Variants in POLR3GL observed in about 807,000 individuals in gnomAD.
POLR3GL encodes the protein DNA-directed RNA polymerase III subunit RPC7-like.
A neutral mutation model predicts 32.4 loss-of-function variants in POLR3GL; 26 were observed. The ratio of observed to expected loss-of-function variants is 0.80; its 90% confidence interval spans 0.59 to 1.11. The LOEUF is 1.11. POLR3GL is among the 50% of genes most tolerant of loss of function. The pLI, the probability that POLR3GL is intolerant of heterozygous loss-of-function variation, is 0.00. For synonymous variants in POLR3GL, 95 were observed against 98.7 expected (o/e 0.96, Z 0.22); for missense variants, 229 against 280.1 (o/e 0.82, Z 1.30).
At chr1:145,965,198 T>C (rs2101924597) in intron 1 of POLR3GL, among the ~76,000 whole-genome samples, 1 of 152,084 alleles carries the variant, frequency 6.6e-6, no homozygotes, top group East Asian at 1.9e-4. Flanking sequence ...CTGTCTCTCT[T>C]TAACGTTTCT....
intron 1 of POLR3GL, among the ~76,000 whole-genome samples, chr1:145,970,738 C>T (rs894469402): frequency 3.3e-5 from 5 of 151,246 alleles, no homozygotes; most frequent in East Asian, 3.9e-4. Flanking sequence ...TAGCCGGGCA[C>T]GGTGGCGGGC....
At chr1:145,965,477 G>A (rs1553761900) in intron 1 of POLR3GL, among the ~76,000 whole-genome samples, 1 of 152,202 alleles carries the variant, frequency 6.6e-6, no homozygotes, top group South Asian at 2.1e-4. Context: ...GGAATGGTGA[G>A]GGGAGGCTTT....
chr1:145,978,169 G>T, intron 7 of POLR3GL, 73 bp downstream of exon 7: 2 of 1,548,924 alleles, frequency 1.3e-6, no homozygotes, highest in South Asian at 1.2e-5. Context: ...TCCTCAGAGG[G>T]TTGGCATGCC....
At chr1:145,970,248 C>T (rs1650218089) in intron 1 of POLR3GL, among the ~76,000 whole-genome samples, 1 of 152,106 alleles carries the variant, frequency 6.6e-6, no homozygotes, top group Non-Finnish European at 1.5e-5. Flanking sequence ...CGGGCTGAAG[C>T]GATCCTTCCA....
At chr1:145,970,942 T>C (rs1292268637) in intron 1 of POLR3GL, among the ~76,000 whole-genome samples, 1 of 142,576 alleles carries the variant, frequency 7.0e-6, no homozygotes, top group African/African-American at 2.6e-5. Flanking sequence ...ATCTAGCACT[T>C]TGGGAGGCCG....
chr1:145,978,497 G>T lies in POLR3GL; in HGVS notation c.*50G>T. The T allele has an allele frequency of 8.7e-7, 1 of 1,150,410 alleles. No individual in the cohort carries two copies. 71.3% of individuals were successfully genotyped at this position (1,150,410 alleles called of 1,614,324 possible). A position where few individuals can be genotyped will look rare whatever the true frequency, so the allele number is the denominator to read the frequency against. On this transcript the variant is annotated 3_prime_UTR_variant, in exon 8 of 8. Coordinates refer to ENST00000369314, the MANE Select transcript of POLR3GL (RefSeq NM_032305.3). ...TTTCTTTAGGATACAGAGAGTAACTGTACCTATTATTTGTTTCTTCAGACA... is the reference window on the plus strand; with the variant it reads ...TTTCTTTAGGATACAGAGAGTAACTTTACCTATTATTTGTTTCTTCAGACA...
At position 145,966,244 on chromosome 1, in the gene POLR3GL, C is replaced by G. The variant is rs782296901; in HGVS notation, c.-42+1476C>G. ...CCTGTAATTCCAGCACTTTGGGAGG[C>G]TGAGGTAGGCAGATCACTTTAGCCC... On this transcript the variant is annotated intron_variant, in intron 1 of 7. Coordinates refer to ENST00000369314, the MANE Select transcript of POLR3GL (RefSeq NM_032305.3). Among the ~76,000 whole-genome samples the G allele has an allele frequency of 5.3e-5, 8 of 151,088 alleles. No individual in the cohort carries two copies. The South Asian group carries it at 1.7e-3, about 32-fold the overall frequency.
intron 1 of POLR3GL, among the ~76,000 whole-genome samples, chr1:145,969,735 A>G (rs1650193625): frequency 6.6e-6 from 1 of 150,954 alleles, no homozygotes; most frequent in African/African-American, 2.4e-5. Context: ...CCTGGCCAAC[A>G]TGGGAAAACC....
chr1:145,974,734 C>A, intron 1 of POLR3GL, 91 bp from the exon 2 acceptor site: 1 of 878,370 alleles, frequency 1.1e-6, no homozygotes, highest in Non-Finnish European at 1.6e-6. Context: ...CTTTTCATGT[C>A]CCAGAGATAA....
At chr1:145,977,273 T>A (rs1271661392) in intron 4 of POLR3GL, 121 bp downstream of exon 4, 5 of 952,834 alleles carry the variant, frequency 5.2e-6, no homozygotes, top group Non-Finnish European at 8.5e-6. Flanking sequence ...AGCTAGAGCC[T>A]TAGTTATGGT....
At chr1:145,977,359 A>G (rs1156805035) in intron 4 of POLR3GL, 124 bp from the exon 5 acceptor site, 21 of 985,934 alleles carry the variant, frequency 2.1e-5, no homozygotes, top group Non-Finnish European at 3.2e-5. Flanking sequence ...AAGCCACTGA[A>G]CAACTTTGGC....
chr1:145,967,236 G>A (rs1434346164), intron 1 of POLR3GL, among the ~76,000 whole-genome samples: 4 of 150,890 alleles, frequency 2.7e-5, no homozygotes, highest in African/African-American at 9.8e-5. Flanking sequence ...GTGCAGTGGT[G>A]AGATCTCAGC....
chr1:145,977,943 A>G, intron 6 of POLR3GL, 40 bp from the exon 7 acceptor site: 1 of 1,613,968 alleles, frequency 6.2e-7, no homozygotes, highest in Non-Finnish European at 8.5e-7. Flanking sequence ...CCTTCTGTGA[A>G]CTGAACCTGA....
At chr1:145,972,856 C>T (rs1199319845) in intron 1 of POLR3GL, among the ~76,000 whole-genome samples, 1 of 151,944 alleles carries the variant, frequency 6.6e-6, no homozygotes, top group East Asian at 1.9e-4. Context: ...TGCCACCATG[C>T]CTGGCTAATT....
chr1:145,969,077 T>A (rs1215288666), intron 1 of POLR3GL, among the ~76,000 whole-genome samples: 1 of 152,104 alleles, frequency 6.6e-6, no homozygotes, highest in Non-Finnish European at 1.5e-5. Flanking sequence ...TCTCATTTAG[T>A]ATTCTGTTAC....
At chr1:145,966,718 G>A (rs1039979481) in intron 1 of POLR3GL, among the ~76,000 whole-genome samples, 4 of 152,044 alleles carry the variant, frequency 2.6e-5, no homozygotes, top group Admixed American at 6.5e-5. Flanking sequence ...GAACCCAGGA[G>A]GTGGAGGTTG....
intron 1 of POLR3GL, among the ~76,000 whole-genome samples, chr1:145,966,046 G>A (rs1174677596): frequency 1.3e-5 from 2 of 150,190 alleles, no homozygotes; most frequent in African/African-American, 4.9e-5. Context: ...AACCCAGGAG[G>A]CGGAGGTTGC....
rs587754040 is a variant in POLR3GL, at chr1:145,972,985, C to T, written c.-41-1840C>T. On this transcript the variant is annotated intron_variant, in intron 1 of 7. Coordinates refer to ENST00000369314, the MANE Select transcript of POLR3GL (RefSeq NM_032305.3). ...AAGTGCTGGGATTATAGCAATGAGCCGCTGCACCCAGCTAACCCATCAATA... is the reference window on the plus strand; with the variant it reads ...AAGTGCTGGGATTATAGCAATGAGCTGCTGCACCCAGCTAACCCATCAATA... Among the ~76,000 whole-genome samples the T allele has an allele frequency of 2.0e-5, 3 of 152,248 alleles. No individual in the cohort carries two copies. The East Asian group carries it at 5.8e-4, about 29-fold the overall frequency.
chr1:145,966,986 G>A (rs942398708), intron 1 of POLR3GL, among the ~76,000 whole-genome samples: 1 of 152,030 alleles, frequency 6.6e-6, no homozygotes, highest in Non-Finnish European at 1.5e-5. Context: ...TGGGATTGCT[G>A]GATTAGGGAT....
Sources: gnomAD v4.1 joint callset for allele counts (sites outside exome capture counted in the v4.1 genomes callset) on GRCh38, gnomAD v4.1.1 for gene constraint, MANE v1.5 for transcripts, NCBI Gene and HGNC (gene_info 2026-07-23, HGNC 2026-07-21) for gene names.